Variants in AMACR observed in about 807,000 individuals in gnomAD.
AMACR encodes alpha-methylacyl-CoA racemase.
A neutral mutation model predicts 22.2 loss-of-function variants in AMACR; 18 were observed. That is an observed-to-expected ratio of 0.81 (90% CI 0.56 to 1.20). The LOEUF is 1.20. Among genes scored for constraint, AMACR ranks in the 50% most tolerant of loss-of-function variants. The probability of loss-of-function intolerance (pLI) is 0.00; values close to 1 mark genes in which losing one functional copy is unlikely to be tolerated. For missense variants in AMACR, 499 were observed against 490.6 expected (o/e 1.02, Z -0.16); for synonymous variants, 213 against 191.3 (o/e 1.11, Z -0.94).
chr5:33,998,764 C>A lies in AMACR; in HGVS notation c.616G>T (p.Ala206Ser). The change falls in exon 4 of 5, where the codon GCA (alanine) becomes TCA (serine). Residue 206 changes from alanine to serine, a missense_variant. Coordinates refer to ENST00000335606, the MANE Select transcript of AMACR (RefSeq NM_014324.6). ...TCCAACATGTTCTGTCCTCGAGGTGCTTCCCACAGACTCAATTTCTGAGTT... is the reference window on the plus strand; with the variant it reads ...TCCAACATGTTCTGTCCTCGAGGTGATTCCCACAGACTCAATTTCTGAGTT... ...WKTQKLSLWE[A>S]PRGQNMLDGG... 1.2e-6 allele frequency: 2 copies of A among 1,614,060 alleles called. No homozygotes were observed. Among genetic ancestry groups the A allele is most frequent in the Non-Finnish European group, 1.7e-6 (2 of 1,180,000 alleles).
chr5:33,988,693 T>C lies in AMACR; in HGVS notation c.*400A>G, dbSNP rs1753375436. 3.3e-6 allele frequency: 4 copies of C among 1,212,798 alleles called. No homozygotes were observed. The highest frequency in any genetic ancestry group is 4.5e-5 in the South Asian group (2 of 44,314). 75.1% of individuals were successfully genotyped at this position (1,212,798 alleles called of 1,614,324 possible). A position where few individuals can be genotyped will look rare whatever the true frequency, so the allele number is the denominator to read the frequency against. On this transcript the variant is annotated 3_prime_UTR_variant, in exon 5 of 5. Transcript: ENST00000335606. ...CTGTTTCACGTGACTTTTATCACCATACAATTTGTGGCATTTCCTCATTTT... is the reference window on the plus strand; with the variant it reads ...CTGTTTCACGTGACTTTTATCACCACACAATTTGTGGCATTTCCTCATTTT...
At position 33,989,357 on chromosome 5, in the gene AMACR, A is replaced by G; in HGVS notation, c.885T>C (p.Thr295=). ...QIFDGTDACV[T]PVLTFEEVVH... ...CAACCTCCTCAAAAGTCAGAACCGGAGTCACACAGGCATCTGTGCCGTCAA... is the reference window on the plus strand; with the variant it reads ...CAACCTCCTCAAAAGTCAGAACCGGGGTCACACAGGCATCTGTGCCGTCAA... Residue 295 remains threonine, a synonymous_variant, in exon 5 of 5, where the codon ACT becomes ACC. Coordinates refer to ENST00000335606, the MANE Select transcript of AMACR (RefSeq NM_014324.6). The G allele has an allele frequency of 3.1e-6, 5 of 1,614,186 alleles. No homozygotes were observed. Among genetic ancestry groups the G allele is most frequent in the Non-Finnish European group, 4.2e-6 (5 of 1,180,034 alleles).
chr5:34,005,877 C>A lies in AMACR; in HGVS notation c.270G>T (p.Leu90=), dbSNP rs745640977. 1 of 1,614,136 alleles carries A rather than the reference C, an allele frequency of 6.2e-7. No individual in the cohort carries two copies. Among genetic ancestry groups the A allele is most frequent in the Non-Finnish European group, 8.5e-7 (1 of 1,180,034 alleles). Residue 90 remains leucine, a synonymous_variant, in exon 2 of 5, where the codon CTG becomes CTT. Coordinates refer to ENST00000335606, the MANE Select transcript of AMACR (RefSeq NM_014324.6). ...TTTCCCGCTGCAGAATCTCTGGGCC[C>A]AGCTGGAGTTTCTCCATGACACCTT... The part of the protein sequence containing the change: ...FRRGVMEKLQ[L]GPEILQRENP...
intron 1 of AMACR, among the ~76,000 whole-genome samples, chr5:34,006,333 A>G (rs1490940095): frequency 6.6e-6 from 1 of 152,214 alleles, no homozygotes; most frequent in Non-Finnish European, 1.5e-5. Context: ...ACAGGCGCTA[A>G]AGTGCCTAGC....
At chr5:33,997,303 C>A (rs979402907) in intron 4 of AMACR, 5 of 773,246 alleles carry the variant, frequency 6.5e-6, no homozygotes, top group Admixed American at 3.4e-5. Flanking sequence ...ACTGAAGCAT[C>A]CCCCAGCAGC....
In AMACR at chr5:34,005,836, T is replaced by TA; in HGVS notation, c.310dup (p.Tyr104LeufsTer38). 1 of 1,614,188 alleles carries TA rather than the reference T, an allele frequency of 6.2e-7. No individual in the cohort carries two copies. The highest frequency in any genetic ancestry group is 8.5e-7 in the Non-Finnish European group (1 of 1,180,032). Reference sequence around the variant, plus strand: ...CTGGCCAAATCCACTCAGCCTGGCATAAATAAGCCTTGGATTTTCCCGCTG... The same window carrying TA: ...CTGGCCAAATCCACTCAGCCTGGCATAAAATAAGCCTTGGATTTTCCCGCTG... On this transcript the variant is annotated frameshift_variant, in exon 2 of 5. Coordinates refer to ENST00000335606, the MANE Select transcript of AMACR (RefSeq NM_014324.6). LOFTEE classifies it high-confidence loss of function.
intron 4 of AMACR, among the ~76,000 whole-genome samples, chr5:33,996,380 G>A (rs1242619309): frequency 6.6e-6 from 1 of 152,192 alleles, no homozygotes; most frequent in Admixed American, 6.5e-5. Context: ...GAATGCCTGG[G>A]AGAGATCTGT....
intron 4 of AMACR, 96 bp downstream of exon 4, chr5:33,998,545 A>G: frequency 5.3e-6 from 7 of 1,326,502 alleles, no homozygotes; most frequent in Middle Eastern, 2.4e-4. Context: ...TGGCTATATA[A>G]TAAAAGACAT....
intron 4 of AMACR, chr5:33,997,520 T>C (rs762919251): frequency 3.8e-6 from 3 of 780,342 alleles, no homozygotes; most frequent in Non-Finnish European, 7.2e-6. Flanking sequence ...CTCCCAGACC[T>C]GGCCAAGGAC....
intron 4 of AMACR, chr5:33,997,798 G>C (rs533339530): frequency 7.7e-5 from 35 of 454,190 alleles, no homozygotes; most frequent in Admixed American, 5.1e-4. Flanking sequence ...TCAGATGCTT[G>C]CAAAAACAAT....
chr5:33,998,647 T>A lies in AMACR; in HGVS notation c.733A>T (p.Ile245Phe). ...ACGCGTGAAGTTCACTTACCTTTGATCAGCAGCTCGTAGAACTGGGGTTCT... is the reference window on the plus strand; with the variant it reads ...ACGCGTGAAGTTCACTTACCTTTGAACAGCAGCTCGTAGAACTGGGGTTCT... ...AIEPQFYELL[I>F]KGLGLKSDEL... Residue 245 changes from isoleucine to phenylalanine, a missense_variant, in exon 4 of 5, where the codon ATC (isoleucine) becomes TTC (phenylalanine). By Grantham distance (21) the Ile-to-Phe change is conservative. Transcript: ENST00000335606. The A allele has an allele frequency of 6.2e-7, 1 of 1,608,092 alleles. No individual in the cohort carries two copies. Among genetic ancestry groups the A allele is most frequent in the Non-Finnish European group, 8.5e-7 (1 of 1,175,888 alleles).
In AMACR at chr5:33,997,466, C is replaced by T. The variant is rs368183228; in HGVS notation, c.739+1175G>A. On this transcript the variant is annotated intron_variant, in intron 4 of 4. Coordinates refer to ENST00000335606, the MANE Select transcript of AMACR (RefSeq NM_014324.6). ...TCACACTGACGAGGGTTTGCCTTGCCTGGCACGATACTGCTTCCTGTTGTA... is the reference window on the plus strand; with the variant it reads ...TCACACTGACGAGGGTTTGCCTTGCTTGGCACGATACTGCTTCCTGTTGTA... 5 of 779,286 alleles carry T rather than the reference C, an allele frequency of 6.4e-6. No homozygotes were observed. The African/African-American group carries it at 8.5e-5, about 13-fold the overall frequency. 48.3% of individuals were successfully genotyped at this position (779,286 alleles called of 1,614,324 possible).
chr5:33,986,964 G>A lies in AMACR; in HGVS notation c.*2129C>T, dbSNP rs951246367. ...TGGGTTATATTTTCCTTGCTGGACC[G>A]AGTTCAAATGAAAAGTCTGAGTTGT... On this transcript the variant is annotated 3_prime_UTR_variant, in exon 5 of 5. Transcript: ENST00000335606. 47 of 152,218 alleles carry A rather than the reference G, an allele frequency of 3.1e-4. No individual in the cohort carries two copies. Among genetic ancestry groups the A allele is most frequent in the African/African-American group, 9.9e-4 (41 of 41,540 alleles). The allele number at this position is 152,218 out of a possible 1,614,324, so 9.4% of individuals were successfully genotyped here. A position where few individuals can be genotyped will look rare whatever the true frequency, so the allele number is the denominator to read the frequency against.
intron 1 of AMACR, 103 bp from the exon 2 acceptor site, chr5:34,006,002 A>G: frequency 7.2e-7 from 1 of 1,386,410 alleles, no homozygotes; most frequent in Non-Finnish European, 1.0e-6. Context: ...AAGTAATATT[A>G]ATAACATTTG....
intron 1 of AMACR, among the ~76,000 whole-genome samples, chr5:34,006,455 C>T (rs1360639469): frequency 2.0e-5 from 3 of 152,074 alleles, no homozygotes; most frequent in African/African-American, 4.8e-5. Flanking sequence ...TAGCACAAAC[C>T]CCAGGTAACC....
At chr5:34,003,009 A>C (rs1349645426) in intron 3 of AMACR, among the ~76,000 whole-genome samples, 1 of 152,178 alleles carries the variant, frequency 6.6e-6, no homozygotes, top group East Asian at 1.9e-4. Context: ...TGTGAAGATC[A>C]GCCAGGACCC....
chr5:34,004,598 C>T lies in AMACR; in HGVS notation c.528G>A (p.Lys176=). The change falls in exon 3 of 5, where the codon AAG becomes AAA. Residue 176 remains lysine (K), a synonymous_variant. Coordinates refer to ENST00000335606, the MANE Select transcript of AMACR (RefSeq NM_014324.6). ...CCATATTTGCATCAATGACCTGACC[C>T]TTGCCAGTGCGTGTGCGGTCAAAAA... ...MALFDRTRTG[K]GQVIDANMVE... is the part of the protein sequence containing the mutation. The T allele has an allele frequency of 6.2e-7, 1 of 1,614,132 alleles. No homozygotes were observed. The highest frequency in any genetic ancestry group is 8.5e-7 in the Non-Finnish European group (1 of 1,180,022).
rs140062924 is a variant in AMACR, at chr5:33,996,036, C to T, written c.739+2605G>A. Among the ~76,000 whole-genome samples, 15 of 152,178 alleles carry T rather than the reference C, an allele frequency of 9.9e-5. 1 individual carries two copies. The highest frequency in any genetic ancestry group is 3.6e-4 in the African/African-American group (15 of 41,526). On this transcript the variant is annotated intron_variant, in intron 4 of 4. Transcript: ENST00000335606. The stretch of plus-strand genomic sequence containing the variant: ...AGGAGGAAAAGAAGTTTGCAGCTTC[C>T]CCCAAAATCCCATCCCCAGAGAACT...
At chr5:34,005,731 T>G (rs756168815) in intron 2 of AMACR, 25 bp downstream of exon 2, 8 of 1,613,428 alleles carry the variant, frequency 5.0e-6, no homozygotes, top group Middle Eastern at 3.3e-4. Flanking sequence ...ATTAAAAGTG[T>G]AGACTAAATT....
Sources: allele counts gnomAD v4.1 joint callset (sites outside exome capture counted in the v4.1 genomes callset), GRCh38; gene constraint gnomAD v4.1.1; transcripts MANE v1.5; gene names NCBI Gene and HGNC (gene_info 2026-07-23, HGNC 2026-07-21).